CEP128: variants seen among roughly 807,000 people sequenced by gnomAD.
CEP128 encodes the protein centrosomal protein 128kDa.
A neutral mutation model predicts 156.7 loss-of-function variants in CEP128; 132 were observed. That is an observed-to-expected ratio of 0.84 (90% CI 0.73 to 0.97). CEP128 has a LOEUF of 0.97. Ranked by LOEUF, CEP128 falls within the 50% of genes least tolerant of loss-of-function variation. The pLI is 0.00. For synonymous variants in CEP128, 469 were observed against 448.9 expected (o/e 1.04, Z -0.57); for missense variants, 1,252 against 1,281.9 (o/e 0.98, Z 0.36).
chr14:80,830,281 G>A (rs1885720667), intron 13 of CEP128: 2 of 597,488 alleles, frequency 3.3e-6, no homozygotes, highest in Non-Finnish European at 6.0e-6. Flanking sequence ...TTCTATTGAT[G>A]TGCTGACAAG....
intron 9 of CEP128, among the ~76,000 whole-genome samples, chr14:80,857,480 C>G (rs1887245881): frequency 6.6e-6 from 1 of 151,856 alleles, no homozygotes; most frequent in Admixed American, 6.6e-5. Context: ...CTCCCGTAAT[C>G]CCAGCACTTT....
intron 19 of CEP128, among the ~76,000 whole-genome samples, chr14:80,700,511 C>T (rs1043343996): frequency 1.3e-5 from 2 of 151,448 alleles, no homozygotes; most frequent in African/African-American, 2.4e-5. Context: ...ACATCTATCA[C>T]GTTATTCATT....
At chr14:80,928,300 T>G (rs367844930) in intron 2 of CEP128, among the ~76,000 whole-genome samples, 35 of 152,252 alleles carry the variant, frequency 2.3e-4, no homozygotes, top group African/African-American at 7.0e-4. Flanking sequence ...GATGAAATTT[T>G]TGAAATACCA....
At chr14:80,569,672 AACAGT>A (rs1891056922) in intron 20 of CEP128, among the ~76,000 whole-genome samples, 1 of 152,230 alleles carries the variant, frequency 6.6e-6, no homozygotes, top group South Asian at 2.1e-4. Context: ...TATGCCAGTT[AACAGT>A]TAAACTAGTT....
rs534920674 is a variant in CEP128 at position 80,528,568 on chromosome 14, G to A, written c.2959-1586C>T. ...CTCCCAAAGTGCTGAGATTACAGGC[G>A]TGAGCCACTGCGCCCAGCCAACAAT... On this transcript the variant is annotated intron_variant, in intron 22 of 24. Coordinates refer to ENST00000555265, the MANE Select transcript of CEP128 (RefSeq NM_152446.5). 6.2e-4 allele frequency among the ~76,000 whole-genome samples: 94 copies of A among 152,260 alleles called. No homozygotes were observed. In the South Asian group the frequency reaches 0.019, roughly 30 times the overall value.
chr14:80,748,549 C>T (rs327435), intron 18 of CEP128, among the ~76,000 whole-genome samples: 52,071 of 151,940 alleles, frequency 0.34, 9,347 homozygotes, highest in South Asian at 0.48. Flanking sequence ...AGTGAAAATG[C>T]AAAGGGAAGA....
intron 23 of CEP128, among the ~76,000 whole-genome samples, chr14:80,509,694 CAA>C (rs549896584): frequency 6.6e-6 from 1 of 152,262 alleles, no homozygotes; most frequent in South Asian, 2.1e-4. Flanking sequence ...GGGTATTCCT[CAA>C]AGTCTTTGCA....
chr14:80,813,188 A>G (rs149102409), intron 13 of CEP128, among the ~76,000 whole-genome samples: 1 of 152,220 alleles, frequency 6.6e-6, no homozygotes, highest in East Asian at 1.9e-4. Flanking sequence ...CTCCGTTGAT[A>G]GTTTCTTTTG....
intron 19 of CEP128, among the ~76,000 whole-genome samples, chr14:80,713,109 G>A (rs903181934): frequency 1.3e-5 from 2 of 152,104 alleles, no homozygotes; most frequent in Non-Finnish European, 2.9e-5. Flanking sequence ...ATCAAGAAGG[G>A]CACTTTACGT....
At chr14:80,587,565 T>C (rs1467782256) in intron 19 of CEP128, among the ~76,000 whole-genome samples, 1 of 152,100 alleles carries the variant, frequency 6.6e-6, no homozygotes, top group African/African-American at 2.4e-5. Flanking sequence ...GTACAGAAAA[T>C]AGCATAATAA....
intron 19 of CEP128, among the ~76,000 whole-genome samples, chr14:80,592,228 T>C (rs1003513853): frequency 2.0e-5 from 3 of 152,172 alleles, no homozygotes; most frequent in African/African-American, 7.2e-5. Flanking sequence ...GCTGGTTTTT[T>C]GAAAATACTA....
At chr14:80,747,437 A>G (rs1050357013) in intron 18 of CEP128, among the ~76,000 whole-genome samples, 1 of 152,220 alleles carries the variant, frequency 6.6e-6, no homozygotes. Context: ...GCTAAAATGG[A>G]TGTATCATAA....
At chr14:80,500,736 C>T (rs1457880527) in intron 24 of CEP128, among the ~76,000 whole-genome samples, 5 of 152,214 alleles carry the variant, frequency 3.3e-5, no homozygotes, top group Middle Eastern at 6.8e-3. Flanking sequence ...GCCTATATTG[C>T]TATTTTCTGA....
chr14:80,852,705 T>A (rs1324842774), intron 9 of CEP128, among the ~76,000 whole-genome samples: 1 of 151,852 alleles, frequency 6.6e-6, no homozygotes, highest in Non-Finnish European at 1.5e-5. Context: ...TAGACACAAA[T>A]TGTTTTATGG....
At chr14:80,587,133 A>C (rs536730066) in intron 19 of CEP128, among the ~76,000 whole-genome samples, 1 of 152,312 alleles carries the variant, frequency 6.6e-6, no homozygotes, top group Non-Finnish European at 1.5e-5. Flanking sequence ...ACAAACAAAC[A>C]AAAAAGGCCT....
intron 8 of CEP128, among the ~76,000 whole-genome samples, chr14:80,884,150 C>G (rs1888680644): frequency 6.6e-6 from 1 of 152,080 alleles, no homozygotes; most frequent in African/African-American, 2.4e-5. Flanking sequence ...ACCAAACTCC[C>G]CAGGACATTG....
intron 8 of CEP128, among the ~76,000 whole-genome samples, chr14:80,865,371 T>G (rs962081069): frequency 1.3e-5 from 2 of 152,236 alleles, no homozygotes; most frequent in African/African-American, 4.8e-5. Flanking sequence ...ATATCTTGAC[T>G]ATTGTGAATA....
intron 4 of CEP128, among the ~76,000 whole-genome samples, chr14:80,908,503 CTTAT>C (rs1486921339): frequency 6.6e-6 from 1 of 152,054 alleles, no homozygotes; most frequent in Non-Finnish European, 1.5e-5. Flanking sequence ...ATTTATTTAT[CTTAT>C]TTTTCAGTTT....
intron 2 of CEP128, chr14:80,955,236 AG>A (rs935513802): frequency 1.4e-5 from 4 of 289,876 alleles, no homozygotes; most frequent in African/African-American, 8.7e-5. Context: ...CCAGGCAGAC[AG>A]GGTGTCTAGA....
Sources: gnomAD v4.1 joint callset for allele counts (sites outside exome capture counted in the v4.1 genomes callset) on GRCh38, gnomAD v4.1.1 for gene constraint, MANE v1.5 for transcripts, NCBI Gene and HGNC (gene_info 2026-07-23, HGNC 2026-07-21) for gene names.